Variants in COL25A1 observed in about 807,000 individuals in gnomAD.
COL25A1 encodes collagen alpha-1(XXV) chain.
A neutral mutation model predicts 128.4 loss-of-function variants in COL25A1; 103 were observed. The observed-to-expected ratio is 0.80, with a 90% confidence interval of 0.68 to 0.94. COL25A1 has a LOEUF of 0.94. Among genes scored for constraint, COL25A1 ranks in the 40% least tolerant of loss-of-function variants. The pLI is 0.00. For missense variants in COL25A1, 745 were observed against 840.0 expected, an observed-to-expected ratio of 0.89 and a Z score of 1.40; for synonymous variants, 279 against 277.2, an observed-to-expected ratio of 1.01 and a Z score of -0.06.
At chr4:109,087,462 C>T (rs1579323123) in intron 3 of COL25A1, among the ~76,000 whole-genome samples, 1 of 152,112 alleles carries the variant, frequency 6.6e-6, no homozygotes. Context: ...ATCCAGATGC[C>T]TTCTCTGAAG....
chr4:109,140,181 T>C (rs1362241540), intron 3 of COL25A1, among the ~76,000 whole-genome samples: 1 of 152,238 alleles, frequency 6.6e-6, no homozygotes, highest in Non-Finnish European at 1.5e-5. Context: ...CCTTTGGGTA[T>C]ATACCCAGTA....
At chr4:109,044,661 A>C (rs921386997) in intron 5 of COL25A1, among the ~76,000 whole-genome samples, 1 of 152,146 alleles carries the variant, frequency 6.6e-6, no homozygotes, top group Non-Finnish European at 1.5e-5. Flanking sequence ...TACTCGATGT[A>C]GGTTCTGTGC....
chr4:108,920,503 T>C lies in COL25A1; in HGVS notation c.735+75A>G, dbSNP rs189683741. ...TTCAGCATGGCTTACAGTAGCTAAT[T>C]TCATTCACCTCTCCTGCTTGCCATT... is the stretch of plus-strand genomic sequence containing the variant. On this transcript the variant is annotated intron_variant, in intron 12 of 37. Transcript: ENST00000399132. 9.3e-4 allele frequency: 1,084 copies of C among 1,166,960 alleles called. 1 individual carries two copies. Among genetic ancestry groups the C allele is most frequent in the Middle Eastern group, 1.6e-3 (8 of 4,998 alleles). 72.3% of individuals were successfully genotyped at this position (1,166,960 alleles called of 1,614,324 possible). A position where few individuals can be genotyped will look rare whatever the true frequency, so the allele number is the denominator to read the frequency against.
intron 18 of COL25A1, 118 bp downstream of exon 18, chr4:108,889,103 A>G: frequency 1.0e-6 from 1 of 968,044 alleles, no homozygotes; most frequent in Non-Finnish European, 1.6e-6. Context: ...ACACTCTGTA[A>G]TGCAAAACAT....
intron 3 of COL25A1, among the ~76,000 whole-genome samples, chr4:109,192,327 G>A (rs1578400812): frequency 6.6e-6 from 1 of 152,094 alleles, no homozygotes; most frequent in African/African-American, 2.4e-5. Context: ...CAGAGAATTG[G>A]GAGTGGGGGG....
chr4:109,033,935 A>G (rs548119631), intron 5 of COL25A1, among the ~76,000 whole-genome samples: 210 of 152,274 alleles, frequency 1.4e-3, no homozygotes, highest in Non-Finnish European at 2.4e-3. Flanking sequence ...TAGATTCCCA[A>G]ACTTCCTCTC....
chr4:109,045,416 G>T (rs1338910937), intron 5 of COL25A1, among the ~76,000 whole-genome samples: 1 of 152,082 alleles, frequency 6.6e-6, no homozygotes, highest in Non-Finnish European at 1.5e-5. Context: ...ATTGGGTATT[G>T]CCTCTAAATA....
intron 3 of COL25A1, among the ~76,000 whole-genome samples, chr4:109,290,609 G>A (rs546472073): frequency 3.4e-4 from 51 of 152,062 alleles, no homozygotes; most frequent in Non-Finnish European, 3.7e-4. Flanking sequence ...AGGAAATTTA[G>A]GAAATACAGT....
At chr4:109,240,556 A>G (rs994720760) in intron 3 of COL25A1, among the ~76,000 whole-genome samples, 11 of 152,096 alleles carry the variant, frequency 7.2e-5, no homozygotes, top group African/African-American at 2.7e-4. Flanking sequence ...ATGCACCTCC[A>G]GCCCTGTGCT....
intron 3 of COL25A1, among the ~76,000 whole-genome samples, chr4:109,070,358 T>A (rs1038215857): frequency 7.4e-5 from 8 of 108,414 alleles, no homozygotes; most frequent in Admixed American, 7.0e-4. Context: ...TAACATTTTT[T>A]AATCTTTTTT....
rs373610609 is a variant in COL25A1, at chr4:108,940,539, G to A, written c.672C>T (p.Pro224=). Reference sequence around the variant, plus strand: ...ATAAGTGATCCAAAAAGCGACTCACGGGTACTCCTGGCATTCCACGGGGGC... The same window carrying A: ...ATAAGTGATCCAAAAAGCGACTCACAGGTACTCCTGGCATTCCACGGGGGC... ...KDGPRGMPGV[P]GEPGKPGEQG... Residue 224 remains proline (P), a splice_region_variant and synonymous_variant, in exon 10 of 38, where the codon CCC becomes CCT. Coordinates refer to ENST00000399132, the MANE Select transcript of COL25A1 (RefSeq NM_198721.4). 2.3e-4 allele frequency: 368 copies of A among 1,612,628 alleles called. 4 individuals carry two copies. In the South Asian group the frequency reaches 3.7e-3, roughly 16 times the overall value.
At chr4:108,876,084 G>A (rs928796462) in intron 19 of COL25A1, among the ~76,000 whole-genome samples, 2 of 151,994 alleles carry the variant, frequency 1.3e-5, no homozygotes, top group Non-Finnish European at 2.9e-5. Context: ...CTGGGGGAGG[G>A]ATAGCGTTAG....
At chr4:109,049,232 A>G (rs1004622678) in intron 4 of COL25A1, among the ~76,000 whole-genome samples, 2 of 152,198 alleles carry the variant, frequency 1.3e-5, no homozygotes, top group Admixed American at 1.3e-4. Context: ...ATACTTAGAG[A>G]AAATACTGAA....
intron 36 of COL25A1, among the ~76,000 whole-genome samples, chr4:108,817,916 T>C (rs1003505568): frequency 6.6e-6 from 1 of 152,190 alleles, no homozygotes; most frequent in Non-Finnish European, 1.5e-5. Context: ...CCAGTATTTT[T>C]CACTTTTCTA....
intron 5 of COL25A1, among the ~76,000 whole-genome samples, chr4:109,026,283 C>A (rs982402744): frequency 1.3e-5 from 2 of 151,806 alleles, no homozygotes; most frequent in African/African-American, 2.4e-5. Context: ...ATAAAAAAAA[C>A]CTAAAAACAA....
intron 3 of COL25A1, among the ~76,000 whole-genome samples, chr4:109,221,578 G>A (rs192886897): frequency 6.6e-6 from 1 of 152,112 alleles, no homozygotes; most frequent in East Asian, 1.9e-4. Flanking sequence ...CAAGAAAATG[G>A]GATTAAAAGG....
intron 6 of COL25A1, among the ~76,000 whole-genome samples, chr4:108,975,110 T>C (rs549601589): frequency 7.9e-5 from 12 of 152,346 alleles, no homozygotes; most frequent in South Asian, 2.1e-4. Context: ...TTATTCATTC[T>C]AGTGTTGGCA....
intron 19 of COL25A1, among the ~76,000 whole-genome samples, chr4:108,883,068 A>C (rs981375634): frequency 6.6e-6 from 1 of 152,118 alleles, no homozygotes; most frequent in Non-Finnish European, 1.5e-5. Flanking sequence ...TAGAGACGGA[A>C]TAGCACTCTG....
chr4:109,190,898 T>C (rs1364532384), intron 3 of COL25A1, among the ~76,000 whole-genome samples: 1 of 152,182 alleles, frequency 6.6e-6, no homozygotes, highest in Admixed American at 6.5e-5. Flanking sequence ...TCACCTGCTG[T>C]TTCACATAAG....
Sources: gnomAD v4.1 joint callset for allele counts (sites outside exome capture counted in the v4.1 genomes callset) on GRCh38, gnomAD v4.1.1 for gene constraint, MANE v1.5 for transcripts, NCBI Gene and HGNC (gene_info 2026-07-23, HGNC 2026-07-21) for gene names.